Variants in ITGA8 observed in about 807,000 individuals in gnomAD.
ITGA8 encodes integrin alpha-8.
In ITGA8, 91 loss-of-function variants were observed where a neutral mutation model predicts 142.3. The ratio of observed to expected loss-of-function variants is 0.64; its 90% CI spans 0.54 to 0.76. The LOEUF is 0.76. Among genes scored for constraint, ITGA8 ranks in the 30% least tolerant of loss-of-function variants. The pLI is 0.00. For synonymous variants in ITGA8, 505 were observed against 485.2 expected, an observed-to-expected ratio of 1.04 and a Z score of -0.54; for missense variants, 1,406 against 1,327.7, an observed-to-expected ratio of 1.06 and a Z score of -0.92.
intron 8 of ITGA8, among the ~76,000 whole-genome samples, chr10:15,662,937 C>A (rs1357214399): frequency 6.6e-6 from 1 of 152,068 alleles, no homozygotes; most frequent in Non-Finnish European, 1.5e-5. Context: ...AGGCTCTTAA[C>A]CTTTTTTGAG....
At chr10:15,519,233 C>T (rs933934521) in intron 29 of ITGA8, 57 bp downstream of exon 29, 5 of 1,599,550 alleles carry the variant, frequency 3.1e-6, no homozygotes, top group Admixed American at 1.7e-5. Flanking sequence ...CTGTATCCCT[C>T]TAAATTCCCT....
chr10:15,664,621 T>C (rs1834351302), intron 8 of ITGA8, among the ~76,000 whole-genome samples: 1 of 151,622 alleles, frequency 6.6e-6, no homozygotes, highest in African/African-American at 2.4e-5. Context: ...ACCCATTAAC[T>C]CGTCATTTAG....
chr10:15,683,992 A>G lies in ITGA8; in HGVS notation c.568+12T>C, dbSNP rs1259372412. Reference sequence around the variant, plus strand: ...GAGCTAATGTCAGTTTCAAGGAATAAAAGTTGCTTACTGTTCCGGCAAGGA... The same window carrying G: ...GAGCTAATGTCAGTTTCAAGGAATAGAAGTTGCTTACTGTTCCGGCAAGGA... On this transcript the variant is annotated intron_variant, in intron 4 of 29. Transcript: ENST00000378076. 3.7e-6 allele frequency: 6 copies of G among 1,613,950 alleles called. No individual in the cohort carries two copies. The highest frequency in any genetic ancestry group is 5.1e-6 in the Non-Finnish European group (6 of 1,179,942).
rs781455946 is a variant in ITGA8, at chr10:15,671,643, G to A, written c.807C>T (p.Tyr269=). The A allele has an allele frequency of 6.2e-7, 1 of 1,611,836 alleles. No individual in the cohort carries two copies. The highest frequency in any genetic ancestry group is 8.5e-7 in the Non-Finnish European group (1 of 1,178,196). Reference sequence around the variant, plus strand: ...CAGTAAACTCCCCAGCAGCAACTGAGTATCCTGTTTTAAAGAAAAAGAAAC... The same window carrying A: ...CAGTAAACTCCCCAGCAGCAACTGAATATCCTGTTTTAAAGAAAAAGAAAC... ...PASYDDSYLG[Y]SVAAGEFTGD... The change falls in exon 8 of 30, where the codon TAC becomes TAT. Residue 269 remains tyrosine (Y), a synonymous_variant. Coordinates refer to ENST00000378076, the MANE Select transcript of ITGA8 (RefSeq NM_003638.3).
chr10:15,714,326 C>G (rs1835413411), intron 2 of ITGA8, among the ~76,000 whole-genome samples: 1 of 152,172 alleles, frequency 6.6e-6, no homozygotes. Flanking sequence ...GAAGTAGACA[C>G]AGAAGCGAGA....
intron 2 of ITGA8, among the ~76,000 whole-genome samples, chr10:15,706,615 T>C (rs576205518): frequency 2.0e-5 from 3 of 152,180 alleles, no homozygotes; most frequent in East Asian, 3.9e-4. Flanking sequence ...ATTTTTTAAC[T>C]TTTTTGTAGA....
intron 13 of ITGA8, among the ~76,000 whole-genome samples, chr10:15,639,602 C>G (rs556215768): frequency 6.6e-6 from 1 of 152,344 alleles, no homozygotes; most frequent in East Asian, 1.9e-4. Context: ...AATCTCACCC[C>G]ACCCGCTTGA....
intron 13 of ITGA8, among the ~76,000 whole-genome samples, chr10:15,621,368 A>C (rs1466410409): frequency 6.6e-6 from 1 of 152,166 alleles, no homozygotes; most frequent in East Asian, 1.9e-4. Context: ...GCATGAATGC[A>C]GGATCAGTTG....
In ITGA8 at chr10:15,688,017, T is replaced by C; in HGVS notation, c.365A>G (p.Asn122Ser). 6.2e-7 allele frequency: 1 copy of C among 1,611,638 alleles called. No homozygotes were observed. The change falls in exon 3 of 30, where the codon AAT (asparagine) becomes AGT (serine). Residue 122 changes from asparagine to serine, a missense_variant. Asn to Ser is a conservative substitution (Grantham distance 46). Coordinates refer to ENST00000378076, the MANE Select transcript of ITGA8 (RefSeq NM_003638.3). ...GAACTCGATAGGTTCTTTGGTTCCATTAACTCTGATCTTTCTGTTGTCTGT... is the reference window on the plus strand; with the variant it reads ...GAACTCGATAGGTTCTTTGGTTCCACTAACTCTGATCTTTCTGTTGTCTGT... The part of the protein sequence containing the change: ...DTTNNRKIRV[N>S]GTKEPIEFKS...
chr10:15,715,283 C>T (rs776817674), intron 2 of ITGA8, among the ~76,000 whole-genome samples: 26 of 151,998 alleles, frequency 1.7e-4, no homozygotes, highest in Non-Finnish European at 3.2e-4. Flanking sequence ...TTATCCTTTC[C>T]AACCCCTCTC....
intron 27 of ITGA8, among the ~76,000 whole-genome samples, chr10:15,543,345 A>G (rs1226413247): frequency 6.6e-6 from 1 of 152,218 alleles, no homozygotes; most frequent in Non-Finnish European, 1.5e-5. Context: ...CTTTGCTAAT[A>G]GGCAGTTTTC....
Position 15,683,508 on chromosome 10 carries a change from A to C in ITGA8, c.568+496T>G, listed in dbSNP as rs372489069. 1.7e-3 allele frequency among the ~76,000 whole-genome samples: 266 copies of C among 152,364 alleles called. 1 individual carries two copies. The highest frequency in any genetic ancestry group is 6.1e-3 in the African/African-American group (253 of 41,588). On this transcript the variant is annotated intron_variant, in intron 4 of 29. Coordinates refer to ENST00000378076, the MANE Select transcript of ITGA8 (RefSeq NM_003638.3). Reference sequence around the variant, plus strand: ...AAGTATACAGAGTCATTTTGAAAAAAAGGATTAAACATCTTAAGCAGAAAG... The same window carrying C: ...AAGTATACAGAGTCATTTTGAAAAACAGGATTAAACATCTTAAGCAGAAAG...
chr10:15,681,939 G>A (rs1176342079), intron 4 of ITGA8, among the ~76,000 whole-genome samples: 1 of 152,010 alleles, frequency 6.6e-6, no homozygotes, highest in Non-Finnish European at 1.5e-5. Flanking sequence ...ATTGTTTGTG[G>A]GATTTTATCT....
intron 2 of ITGA8, among the ~76,000 whole-genome samples, chr10:15,717,996 A>T (rs1835485081): frequency 6.6e-6 from 1 of 152,258 alleles, no homozygotes; most frequent in South Asian, 2.1e-4. Flanking sequence ...TTCTGGAAAG[A>T]GATATTTGCT....
intron 26 of ITGA8, among the ~76,000 whole-genome samples, chr10:15,556,293 C>T (rs1293446648): frequency 6.6e-6 from 1 of 151,958 alleles, no homozygotes; most frequent in Non-Finnish European, 1.5e-5. Context: ...CCTCCCAAAG[C>T]GCCGGGATTA....
In ITGA8 at chr10:15,517,366, C is replaced by T. The variant is rs1161501476; in HGVS notation, c.3106-122G>A. On this transcript the variant is annotated intron_variant, in intron 29 of 29. Coordinates refer to ENST00000378076, the MANE Select transcript of ITGA8 (RefSeq NM_003638.3). ...TAAACTGAGTCTCGCTCTCTATTCC[C>T]CAGGCTGGAGTACAGTGGCGTGATC... 5.3e-6 allele frequency: 3 copies of T among 566,678 alleles called. No individual in the cohort carries two copies. The Admixed American group carries it at 9.6e-5, about 18-fold the overall frequency. 35.1% of individuals were successfully genotyped at this position (566,678 alleles called of 1,614,324 possible). A position where few individuals can be genotyped will look rare whatever the true frequency, so the allele number is the denominator to read the frequency against.
chr10:15,710,143 T>C (rs1028421368), intron 2 of ITGA8, among the ~76,000 whole-genome samples: 1 of 152,148 alleles, frequency 6.6e-6, no homozygotes, highest in Non-Finnish European at 1.5e-5. Context: ...AGAAAAAAAA[T>C]GCATGAGAAA....
intron 28 of ITGA8, among the ~76,000 whole-genome samples, chr10:15,529,975 G>C (rs984155586): frequency 6.6e-6 from 1 of 152,172 alleles, no homozygotes; most frequent in African/African-American, 2.4e-5. Context: ...CAAGGTCTGG[G>C]GGACCAAGAG....
chr10:15,608,439 CT>C, intron 15 of ITGA8, 149 bp from the exon 16 acceptor site: 1 of 538,200 alleles, frequency 1.9e-6, no homozygotes, highest in Non-Finnish European at 3.2e-6. Context: ...ACACACACCC[CT>C]TCTACCAATT....
Sources: gnomAD v4.1 joint callset for allele counts (sites outside exome capture counted in the v4.1 genomes callset) on GRCh38, gnomAD v4.1.1 for gene constraint, MANE v1.5 for transcripts, NCBI Gene and HGNC (gene_info 2026-07-23, HGNC 2026-07-21) for gene names.